NUP210L: variants seen among roughly 807,000 people sequenced by gnomAD.
NUP210L encodes the protein nucleoporin 210 like, also known as nuclear pore membrane glycoprotein 210-like.
Under a neutral mutation model 208.5 loss-of-function variants are expected in NUP210L, and 74 were observed. The ratio of observed to expected loss-of-function variants is 0.35; its 90% confidence interval spans 0.29 to 0.43. The LOEUF (loss-of-function observed/expected upper bound fraction) is 0.43, where lower values mean the gene tolerates loss of function less well. Ranked by LOEUF, NUP210L falls within the 20% of genes least tolerant of loss-of-function variation. The pLI, the probability that NUP210L is intolerant of heterozygous loss-of-function variation, is 1.00. For synonymous variants in NUP210L, 780 were observed against 816.9 expected (o/e 0.95, Z 0.77); for missense variants, 1,843 against 2,289.4 (o/e 0.81, Z 3.98).
At chr1:154,084,789 T>TA (rs35270818) in intron 16 of NUP210L, among the ~76,000 whole-genome samples, 35,780 of 137,772 alleles carry the variant, frequency 0.26, 4,796 homozygotes, top group Admixed American at 0.36. Flanking sequence ...CATATTTCTT[T>TA]AAAAAAAAAA....
intron 27 of NUP210L, among the ~76,000 whole-genome samples, chr1:154,031,447 T>C (rs545765731): frequency 6.6e-6 from 1 of 152,298 alleles, no homozygotes; most frequent in South Asian, 2.1e-4. Context: ...TGTTGTGCTA[T>C]CATATACTAG....
chr1:154,038,129 G>C (rs1184680813), intron 27 of NUP210L, among the ~76,000 whole-genome samples: 1 of 151,552 alleles, frequency 6.6e-6, no homozygotes, highest in Non-Finnish European at 1.5e-5. Context: ...TTGTTTATCT[G>C]TTTTGGTTTA....
rs201928881 is a variant in NUP210L, at chr1:154,058,658, C to A, written c.2886G>T (p.Glu962Asp). 1.4e-3 allele frequency: 2,318 copies of A among 1,613,628 alleles called. 2 individuals carry two copies. Among genetic ancestry groups the A allele is most frequent in the Non-Finnish European group, 1.8e-3 (2,161 of 1,179,798 alleles). The change falls in exon 21 of 40, where the codon GAG (glutamate) becomes GAT (aspartate). Residue 962 changes from glutamate (E) to aspartate (D), a missense_variant. Around this residue, in one of 5 missense-constraint regions of NUP210L, gnomAD observed 408 missense variants for 600.8 expected, o/e 0.68. Transcript: ENST00000368559. ...AGAAAGCCAAACAAAGATCATAGAC[C>A]TCCAAGGTAAAAAATCCAGGATGTA...
At chr1:154,010,007 A>G (rs1650810979) in exon 35 of NUP210L, 3 of 1,613,136 alleles carry the variant, frequency 1.9e-6, no homozygotes, top group Non-Finnish European at 2.5e-6. Flanking sequence ...GACCTGAAAG[A>G]CTTTACTTGC....
At chr1:154,073,176 C>T (rs1439141626) in intron 16 of NUP210L, among the ~76,000 whole-genome samples, 2 of 152,176 alleles carry the variant, frequency 1.3e-5, no homozygotes, top group African/African-American at 4.8e-5. Context: ...AAAAAATGCT[C>T]AGCATCACTA....
chr1:153,995,026 AAAG>A lies in NUP210L; in HGVS notation c.5491+47_5491+49del, dbSNP rs776599352. On this transcript the variant is annotated intron_variant, in intron 38 of 39. Coordinates refer to ENST00000368559, the Ensembl canonical transcript of NUP210L. The stretch of plus-strand genomic sequence containing the variant: ...AACTCCATCTCAAAAAAAAAAAAAA[AAAG>A]GCAGTTTTCATGTCAAAGTCTATGT... 87 of 1,233,590 alleles carry A rather than the reference AAAG, an allele frequency of 7.1e-5. 1 individual carries two copies. The African/African-American group carries it at 7.2e-4, about 10-fold the overall frequency. 76.4% of individuals were successfully genotyped at this position (1,233,590 alleles called of 1,614,324 possible). A position where few individuals can be genotyped will look rare whatever the true frequency, so the allele number is the denominator to read the frequency against.
At position 154,045,200 on chromosome 1, in the gene NUP210L, A is replaced by G. The variant is rs1337748537; in HGVS notation, c.3696+869T>C. 3.3e-5 allele frequency among the ~76,000 whole-genome samples: 5 copies of G among 152,116 alleles called. No individual in the cohort carries two copies. The South Asian group carries it at 6.2e-4, about 19-fold the overall frequency. On this transcript the variant is annotated intron_variant, in intron 27 of 39. Transcript: ENST00000368559. ...CTCCGTGGTACCCATGGTGCCTGAC[A>G]TGGGAATCCAGTTCTTCCCCAATTC...
intron 23 of NUP210L, among the ~76,000 whole-genome samples, chr1:154,056,362 A>C (rs748641288): frequency 4.0e-5 from 6 of 151,834 alleles, no homozygotes; most frequent in Non-Finnish European, 7.4e-5. Context: ...GAGAGACAAA[A>C]CCCAAAAATA....
intron 2 of NUP210L, among the ~76,000 whole-genome samples, chr1:154,148,472 G>T (rs114774968): frequency 1.3e-5 from 2 of 152,102 alleles, no homozygotes; most frequent in Non-Finnish European, 2.9e-5. Flanking sequence ...GACAGAGACA[G>T]ACTTTGTCTC....
rs144840873 is a variant in NUP210L at position 154,147,323 on chromosome 1, G to A, written c.341-3746C>T. The stretch of plus-strand genomic sequence containing the variant: ...AGAAAAAGTTAGACAAACCCAAATT[G>A]AGAAACTTTCTATATACAACATCTG... On this transcript the variant is annotated intron_variant, in intron 2 of 39. Coordinates refer to ENST00000368559, the Ensembl canonical transcript of NUP210L. Among the ~76,000 whole-genome samples the A allele has an allele frequency of 5.3e-5, 8 of 151,928 alleles. No homozygotes were observed. The East Asian group carries it at 1.4e-3, about 26-fold the overall frequency.
chr1:154,025,691 G>C (rs1651839972), exon 30 of NUP210L: 1 of 1,613,152 alleles, frequency 6.2e-7, no homozygotes, highest in Non-Finnish European at 8.5e-7. Context: ...TTGAGAACAC[G>C]AGAACTCACG....
At chr1:154,146,107 T>G (rs187703162) in intron 2 of NUP210L, among the ~76,000 whole-genome samples, 207 of 152,212 alleles carry the variant, frequency 1.4e-3, no homozygotes, top group African/African-American at 4.6e-3. Flanking sequence ...CTGGCCCATC[T>G]CATAGAACTA....
At chr1:154,142,372 C>T (rs753437731) in intron 3 of NUP210L, among the ~76,000 whole-genome samples, 4 of 151,724 alleles carry the variant, frequency 2.6e-5, no homozygotes, top group Non-Finnish European at 5.9e-5. Flanking sequence ...TTTTTTACTA[C>T]CTAAGTGTTT....
At chr1:154,122,584 G>C (rs938869422) in intron 10 of NUP210L, among the ~76,000 whole-genome samples, 1 of 152,176 alleles carries the variant, frequency 6.6e-6, no homozygotes, top group African/African-American at 2.4e-5. Context: ...GAACTCGGGA[G>C]GTGGAGGTTG....
intron 21 of NUP210L, 49 bp downstream of exon 21, chr1:154,058,516 G>A: frequency 1.3e-6 from 2 of 1,590,320 alleles, no homozygotes; most frequent in Non-Finnish European, 1.7e-6. Flanking sequence ...ATGCTGGGTA[G>A]TGAGAATAAG....
intron 12 of NUP210L, among the ~76,000 whole-genome samples, chr1:154,111,720 A>G (rs1657045643): frequency 6.6e-6 from 1 of 151,640 alleles, no homozygotes; most frequent in African/African-American, 2.4e-5. Flanking sequence ...AAAAAGAACT[A>G]ATTCTAATCC....
rs1321739996 is a variant in NUP210L at position 154,002,105 on chromosome 1, T to C, written c.4931-120A>G. The C allele has an allele frequency of 3.0e-6, 3 of 1,013,924 alleles. No homozygotes were observed. In the South Asian group the frequency reaches 4.9e-5, roughly 17 times the overall value. The allele number at this position is 1,013,924 out of a possible 1,614,324, so 62.8% of individuals were successfully genotyped here. A position where few individuals can be genotyped will look rare whatever the true frequency, so the allele number is the denominator to read the frequency against. On this transcript the variant is annotated intron_variant, in intron 35 of 39. Coordinates refer to ENST00000368559, the Ensembl canonical transcript of NUP210L. The stretch of plus-strand genomic sequence containing the variant: ...TTCAGCAAAAGAGAAAATGTGAATT[T>C]AGTTTTGAGTATTCAATATCAGCAC...
At chr1:154,051,256 C>T (rs1285957772) in intron 25 of NUP210L, among the ~76,000 whole-genome samples, 4 of 152,070 alleles carry the variant, frequency 2.6e-5, no homozygotes, top group Non-Finnish European at 4.4e-5. Context: ...GTTGCCCAGG[C>T]TGGAGTGCAG....
At chr1:153,999,654 T>C (rs1324983806) in intron 37 of NUP210L, among the ~76,000 whole-genome samples, 1 of 147,870 alleles carries the variant, frequency 6.8e-6, no homozygotes, top group African/African-American at 2.5e-5. Flanking sequence ...GGAGAATCGC[T>C]TGAACTTGGG....
Sources: allele counts gnomAD v4.1 joint callset (sites outside exome capture counted in the v4.1 genomes callset), GRCh38; gene constraint gnomAD v4.1.1; regional missense constraint gnomAD v4.1.1; transcripts MANE v1.5; gene names NCBI Gene and HGNC (gene_info 2026-07-23, HGNC 2026-07-21).